Variants in RAD51B observed in about 807,000 individuals in gnomAD.
The protein encoded by RAD51B is RAD51 paralog B.
A neutral mutation model predicts 42.2 loss-of-function variants in RAD51B; 38 were observed. The ratio of observed to expected loss-of-function variants is 0.90; its 90% CI spans 0.70 to 1.18. The LOEUF (loss-of-function observed/expected upper bound fraction) is 1.18. Among genes scored for constraint, RAD51B ranks in the 50% most tolerant of loss-of-function variants. The pLI, the probability that RAD51B is intolerant of heterozygous loss-of-function variation, is 0.00. For missense variants in RAD51B, 373 were observed against 400.7 expected, an observed-to-expected ratio of 0.93 and a Z score of 0.59; for synonymous variants, 154 against 145.2, an observed-to-expected ratio of 1.06 and a Z score of -0.43.
intron 8 of RAD51B, among the ~76,000 whole-genome samples, chr14:68,399,920 T>C (rs957004579): frequency 5.9e-5 from 9 of 152,224 alleles, no homozygotes; most frequent in African/African-American, 1.9e-4. Context: ...AATGTCTTTT[T>C]GCACTAATGG....
At chr14:68,304,086 C>T (rs2081806619) in intron 8 of RAD51B, among the ~76,000 whole-genome samples, 1 of 151,574 alleles carries the variant, frequency 6.6e-6, no homozygotes, top group East Asian at 2.0e-4. Flanking sequence ...ACAAGAATCA[C>T]TTGAGCCTGT....
chr14:68,050,165 C>T (rs1030043678), intron 7 of RAD51B, among the ~76,000 whole-genome samples: 2 of 152,058 alleles, frequency 1.3e-5, no homozygotes, highest in African/African-American at 2.4e-5. Flanking sequence ...TTTATGGAAG[C>T]CATTTTTCCC....
chr14:68,259,406 C>G (rs1001337306), intron 7 of RAD51B, among the ~76,000 whole-genome samples: 3 of 151,918 alleles, frequency 2.0e-5, no homozygotes, highest in Non-Finnish European at 4.4e-5. Context: ...ACATATGTAA[C>G]AAACCTGCAC....
In RAD51B at chr14:68,165,536, G is replaced by C. The variant is rs138048232; in HGVS notation, c.757-126348G>C. ...CCTCTTGGGTAAAGAGTTTTATTAG[G>C]GTCAGAAGTACTATTTATTTTTGTG... is the stretch of plus-strand genomic sequence containing the variant. On this transcript the variant is annotated intron_variant, in intron 7 of 10. Transcript: ENST00000471583. Among the ~76,000 whole-genome samples, 694 of 152,094 alleles carry C rather than the reference G, an allele frequency of 4.6e-3. 3 individuals are homozygous for C. The highest frequency in any genetic ancestry group is 7.6e-3 in the Non-Finnish European group (516 of 67,980).
At chr14:68,227,940 A>G (rs1296005015) in intron 7 of RAD51B, among the ~76,000 whole-genome samples, 1 of 152,198 alleles carries the variant, frequency 6.6e-6, no homozygotes, top group African/African-American at 2.4e-5. Context: ...AGTAGTAATA[A>G]TAATGATAGT....
chr14:68,347,111 T>A (rs1323717363), intron 8 of RAD51B, among the ~76,000 whole-genome samples: 2 of 152,194 alleles, frequency 1.3e-5, no homozygotes, highest in African/African-American at 4.8e-5. Context: ...TTTCATGAAT[T>A]GTCTGCAACA....
chr14:68,463,532 C>T (rs2085898922), intron 9 of RAD51B, among the ~76,000 whole-genome samples: 1 of 151,944 alleles, frequency 6.6e-6, no homozygotes, highest in African/African-American at 2.4e-5. Flanking sequence ...TTAGAAAACT[C>T]ATAGTGAAAG....
intron 7 of RAD51B, among the ~76,000 whole-genome samples, chr14:67,997,471 T>G (rs1297464239): frequency 6.6e-6 from 1 of 152,184 alleles, no homozygotes; most frequent in Non-Finnish European, 1.5e-5. Context: ...CACAGTCACG[T>G]CCTAAATTAT....
intron 8 of RAD51B, among the ~76,000 whole-genome samples, chr14:68,368,834 C>T (rs777583178): frequency 5.9e-5 from 9 of 152,154 alleles, no homozygotes; most frequent in African/African-American, 2.4e-5. Flanking sequence ...AGGAGATTTG[C>T]AGTCTAATAA....
intron 7 of RAD51B, among the ~76,000 whole-genome samples, chr14:68,186,894 G>A (rs570086576): frequency 2.0e-5 from 3 of 152,112 alleles, no homozygotes; most frequent in African/African-American, 7.2e-5. Context: ...ATTTTTCTAC[G>A]AAAAAGACAC....
At chr14:68,172,744 G>A (rs1258039772) in intron 7 of RAD51B, among the ~76,000 whole-genome samples, 1 of 152,148 alleles carries the variant, frequency 6.6e-6, no homozygotes, top group Non-Finnish European at 1.5e-5. Flanking sequence ...AACCACTGAT[G>A]GCTTTTTGTG....
intron 7 of RAD51B, among the ~76,000 whole-genome samples, chr14:68,099,074 C>T (rs2077245276): frequency 6.6e-6 from 1 of 152,196 alleles, no homozygotes. Context: ...TTCAAAACTC[C>T]TCCTTTCTTT....
intron 11 of RAD51B, among the ~76,000 whole-genome samples, chr14:68,681,767 TCTC>T (rs1204028412): frequency 1.3e-5 from 2 of 152,188 alleles, no homozygotes; most frequent in Admixed American, 6.5e-5. Context: ...TCTCAGCCTC[TCTC>T]CTCTGTTGAA....
intron 7 of RAD51B, among the ~76,000 whole-genome samples, chr14:68,051,647 A>G (rs1595326570): frequency 6.6e-6 from 1 of 151,740 alleles, no homozygotes; most frequent in African/African-American, 2.4e-5. Flanking sequence ...CCAGGCTGGA[A>G]TATAGTATAA....
chr14:68,404,231 G>C (rs1372162413), intron 8 of RAD51B, among the ~76,000 whole-genome samples: 1 of 152,224 alleles, frequency 6.6e-6, no homozygotes, highest in Non-Finnish European at 1.5e-5. Flanking sequence ...AGACAATGAA[G>C]TTATACTGCT....
intron 8 of RAD51B, among the ~76,000 whole-genome samples, chr14:68,356,416 C>T (rs995804622): frequency 3.4e-5 from 4 of 119,010 alleles, no homozygotes; most frequent in African/African-American, 1.3e-4. Context: ...ACCTGGGCGA[C>T]AGAGCGAGAC....
At chr14:68,673,648 GCA>G (rs376195787) in intron 11 of RAD51B, among the ~76,000 whole-genome samples, 6 of 147,226 alleles carry the variant, frequency 4.1e-5, no homozygotes, top group African/African-American at 1.3e-4. Flanking sequence ...ATGTATACAT[GCA>G]CACACATACA....
intron 5 of RAD51B, among the ~76,000 whole-genome samples, chr14:67,877,250 T>C (rs930668240): frequency 9.2e-5 from 14 of 152,202 alleles, no homozygotes; most frequent in Admixed American, 6.5e-5. Context: ...AGTTGATGCA[T>C]ACAGCAGCAC....
intron 8 of RAD51B, among the ~76,000 whole-genome samples, chr14:68,335,765 A>G (rs968160639): frequency 5.9e-5 from 9 of 152,240 alleles, no homozygotes; most frequent in African/African-American, 2.2e-4. Context: ...ATCTGTAACT[A>G]CTGATTTTCT....
Sources: allele counts gnomAD v4.1 joint callset (sites outside exome capture counted in the v4.1 genomes callset), GRCh38; gene constraint gnomAD v4.1.1; transcripts MANE v1.5; gene names NCBI Gene and HGNC (gene_info 2026-07-23, HGNC 2026-07-21).